The following TCF23 variants were observed in gnomAD, a reference collection of about 807,000 sequenced individuals.
The protein encoded by TCF23 is transcription factor 23, also known as class A basic helix-loop-helix protein 24.
In TCF23, 7 loss-of-function variants were observed where a neutral mutation model predicts 13.0. That is an observed-to-expected ratio of 0.54 (90% confidence interval 0.31 to 1.01). The LOEUF (loss-of-function observed/expected upper bound fraction) is 1.01, where lower values mean the gene tolerates loss of function less well. Among genes scored for constraint, TCF23 ranks in the 50% least tolerant of loss-of-function variants. The pLI is 0.06. For missense variants in TCF23, 257 were observed against 289.8 expected (o/e 0.89, Z 0.82); for synonymous variants, 122 against 119.5 (o/e 1.02, Z -0.14).
intron 1 of TCF23, chr2:27,149,561 C>T: frequency 3.1e-6 from 2 of 646,274 alleles, no homozygotes; most frequent in Non-Finnish European, 5.6e-6. Context: ...GCTCAGAGAG[C>T]TGCACTAACT....
At chr2:27,151,391 GT>G (rs1406694922) in intron 2 of TCF23, among the ~76,000 whole-genome samples, 3 of 152,076 alleles carry the variant, frequency 2.0e-5, no homozygotes, top group Non-Finnish European at 4.4e-5. Flanking sequence ...CTGGAGTGCA[GT>G]GGCGCAATCT....
Position 27,150,409 on chromosome 2 carries a change from C to T in TCF23, c.465+44C>T. The T allele has an allele frequency of 6.3e-7, 1 of 1,599,618 alleles. No homozygotes were observed. Among genetic ancestry groups the T allele is most frequent in the Non-Finnish European group, 8.5e-7 (1 of 1,169,668 alleles). ...GACTTGAGAGGCGGATCTTAATGCCCAGGGCCTTGGAGAAAGGGATTGGAA... is the reference window on the plus strand; with the variant it reads ...GACTTGAGAGGCGGATCTTAATGCCTAGGGCCTTGGAGAAAGGGATTGGAA... On this transcript the variant is annotated intron_variant, in intron 2 of 2. Transcript: ENST00000296096. The surrounding 1 kb of genome is among the most constrained non-coding windows in gnomAD (Gnocchi z 4.1).
In TCF23 at chr2:27,149,011, C is replaced by A. The variant is rs539100269; in HGVS notation, c.-123C>A. 2.0e-6 allele frequency: 2 copies of A among 979,140 alleles called. No homozygotes were observed. The highest frequency in any genetic ancestry group is 3.0e-6 in the Non-Finnish European group (2 of 666,254). The allele number at this position is 979,140 out of a possible 1,614,324, so 60.7% of individuals were successfully genotyped here. On this transcript the variant is annotated 5_prime_UTR_variant, in exon 1 of 3. Transcript: ENST00000296096. ...CAGGGAGCAAACAGGACTGAGTTGGCGCCAGCTTCCTCGGATGTAGATATT... is the reference window on the plus strand; with the variant it reads ...CAGGGAGCAAACAGGACTGAGTTGGAGCCAGCTTCCTCGGATGTAGATATT...
At position 27,153,754 on chromosome 2, in the gene TCF23, CT is replaced by C. The variant is rs541641520; in HGVS notation, c.*891del. On this transcript the variant is annotated 3_prime_UTR_variant, in exon 3 of 3. Transcript: ENST00000296096. The stretch of plus-strand genomic sequence containing the variant: ...GCTTACATTCCAGTTTCCAGAGAAA[CT>C]TTTAGATAGTCCCAGATGCCTAGTT... 3 of 152,156 alleles carry C rather than the reference CT, an allele frequency of 2.0e-5. No individual in the cohort carries two copies. Among genetic ancestry groups the C allele is most frequent in the Non-Finnish European group, 2.9e-5 (2 of 68,054 alleles). The allele number at this position is 152,156 out of a possible 1,614,324, so 9.4% of individuals were successfully genotyped here. A position where few individuals can be genotyped will look rare whatever the true frequency, so the allele number is the denominator to read the frequency against.
rs1170855070 is a variant in TCF23 at position 27,150,214 on chromosome 2, C to T, written c.314C>T (p.Ala105Val). The change falls in exon 2 of 3, where the codon GCC becomes GTC. Residue 105 changes from alanine to valine, a missense_variant. Transcript: ENST00000296096. The surrounding 1 kb of genome is among the most constrained non-coding windows in gnomAD (Gnocchi z 4.1). ...AFLALQAALP[A>V]VPPDTKLSKL... is the part of the protein sequence containing the mutation. ...TTGGCCTTGCAGGCTGCTCTGCCTG[C>T]CGTGCCGCCCGACACCAAGCTCTCC... The T allele has an allele frequency of 6.2e-6, 10 of 1,613,162 alleles. No homozygotes were observed. Among genetic ancestry groups the T allele is most frequent in the Non-Finnish European group, 7.6e-6 (9 of 1,179,874 alleles).
rs755194252 is a variant in TCF23, at chr2:27,149,759, CAG to C, written c.223-363_223-362del. ...TAGGTCAAGGGTCCGCCCTCCCAAA[CAG>C]GGTGTAGCTCTGAACTCCCCCTGGC... On this transcript the variant is annotated intron_variant, in intron 1 of 2. Coordinates refer to ENST00000296096, the MANE Select transcript of TCF23 (RefSeq NM_175769.3). 82 of 612,924 alleles carry C rather than the reference CAG, an allele frequency of 1.3e-4. 2 individuals carry two copies. The highest frequency in any genetic ancestry group is 1.2e-3 in the South Asian group (81 of 65,824). 38.0% of individuals were successfully genotyped at this position (612,924 alleles called of 1,614,324 possible).
chr2:27,149,965 G>A (rs1012114552), intron 1 of TCF23, 158 bp from the exon 2 acceptor site: 29 of 1,255,560 alleles, frequency 2.3e-5, no homozygotes, highest in African/African-American at 8.9e-5. Context: ...GCTGTGAAAC[G>A]CGGCAGGGCT....
In TCF23 at chr2:27,155,332, C is replaced by T. The variant is rs1261941614; in HGVS notation, c.*2465C>T. 6.6e-6 allele frequency: 1 copy of T among 152,350 alleles called. No individual in the cohort carries two copies. Among genetic ancestry groups the T allele is most frequent in the Admixed American group, 6.5e-5 (1 of 15,282 alleles). 9.4% of individuals were successfully genotyped at this position (152,350 alleles called of 1,614,324 possible). A position where few individuals can be genotyped will look rare whatever the true frequency, so the allele number is the denominator to read the frequency against. On this transcript the variant is annotated 3_prime_UTR_variant, in exon 3 of 3. Transcript: ENST00000296096. ...AGGCCTAGGGGATGGATGGGAATAACCAGAGGATGGACTGGGCCCTCCCTC... is the reference window on the plus strand; with the variant it reads ...AGGCCTAGGGGATGGATGGGAATAATCAGAGGATGGACTGGGCCCTCCCTC...
In TCF23 at chr2:27,155,907, C is replaced by G. The variant is rs1360619518; in HGVS notation, c.*3040C>G. On this transcript the variant is annotated 3_prime_UTR_variant, in exon 3 of 3. Coordinates refer to ENST00000296096, the MANE Select transcript of TCF23 (RefSeq NM_175769.3). ...TGGCCTACCTGGTCTTCCTGCACCACCTGCCCCATCCCCAGGACTTGGGAT... is the reference window on the plus strand; with the variant it reads ...TGGCCTACCTGGTCTTCCTGCACCAGCTGCCCCATCCCCAGGACTTGGGAT... 6.6e-6 allele frequency: 1 copy of G among 152,324 alleles called. No individual in the cohort carries two copies. The highest frequency in any genetic ancestry group is 1.5e-5 in the Non-Finnish European group (1 of 68,144). The allele number at this position is 152,324 out of a possible 1,614,324, so 9.4% of individuals were successfully genotyped here. A position where few individuals can be genotyped will look rare whatever the true frequency, so the allele number is the denominator to read the frequency against.
chr2:27,149,900 C>A, intron 1 of TCF23: 1 of 692,816 alleles, frequency 1.4e-6, no homozygotes. Context: ...CTGAGCCAAG[C>A]TCTGCCATCC....
At chr2:27,151,626 A>G (rs1412101964) in intron 2 of TCF23, among the ~76,000 whole-genome samples, 2 of 147,978 alleles carry the variant, frequency 1.4e-5, no homozygotes, top group Non-Finnish European at 3.0e-5. Context: ...GAGCCACCAC[A>G]CCCAACTATT....
chr2:27,153,237 T>G lies in TCF23; in HGVS notation c.*370T>G. On this transcript the variant is annotated 3_prime_UTR_variant, in exon 3 of 3. Transcript: ENST00000296096. ...AAAGGCAGGTGCAGAGGGAGGGGCC[T>G]GGGATGGCACCAGCCCCAGGTGCTG... 5.6e-6 allele frequency: 1 copy of G among 177,724 alleles called. No individual in the cohort carries two copies. The allele number at this position is 177,724 out of a possible 1,614,324, so 11.0% of individuals were successfully genotyped here.
Position 27,152,768 on chromosome 2 carries a change from C to T in TCF23, c.546C>T (p.Ser182=). ...ACTCCACCACAGCCAGCACCCCCAGCCAAAGAACAAGAGATGCAGAGGTGG... is the reference window on the plus strand; with the variant it reads ...ACTCCACCACAGCCAGCACCCCCAGTCAAAGAACAAGAGATGCAGAGGTGG... The part of the protein sequence containing the change: ...DLDSTTASTP[S]QRTRDAEVGS... Residue 182 remains serine, a synonymous_variant, in exon 3 of 3, where the codon AGC becomes AGT. Transcript: ENST00000296096. 6.2e-7 allele frequency: 1 copy of T among 1,614,150 alleles called. No individual in the cohort carries two copies. The highest frequency in any genetic ancestry group is 8.5e-7 in the Non-Finnish European group (1 of 1,180,032).
At position 27,154,820 on chromosome 2, in the gene TCF23, A is replaced by G. The variant is rs1052066802; in HGVS notation, c.*1953A>G. On this transcript the variant is annotated 3_prime_UTR_variant, in exon 3 of 3. Transcript: ENST00000296096. ...TGTACTATTTTTAAAGCCAAACAGCAGTATCTTCCTGGTTGAGTTCACGGG... is the reference window on the plus strand; with the variant it reads ...TGTACTATTTTTAAAGCCAAACAGCGGTATCTTCCTGGTTGAGTTCACGGG... 6.6e-6 allele frequency: 1 copy of G among 152,306 alleles called. No individual in the cohort carries two copies. 9.4% of individuals were successfully genotyped at this position (152,306 alleles called of 1,614,324 possible).
At chr2:27,151,395 C>T (rs113053199) in intron 2 of TCF23, among the ~76,000 whole-genome samples, 32,321 of 151,872 alleles carry the variant, frequency 0.21, 4,120 homozygotes, top group Admixed American at 0.35. Context: ...AGTGCAGTGG[C>T]GCAATCTTGG....
At position 27,149,240 on chromosome 2, in the gene TCF23, G is replaced by C; in HGVS notation, c.107G>C (p.Arg36Pro). The C allele has an allele frequency of 6.4e-7, 1 of 1,574,126 alleles. No homozygotes were observed. Among genetic ancestry groups the C allele is most frequent in the Non-Finnish European group, 8.6e-7 (1 of 1,159,916 alleles). ...CCAGGCGCTGACAGGAAGAGGAGCC[G>C]CCTCAGCAGGACAAGGCAGGACCCG... is the stretch of plus-strand genomic sequence containing the variant. ...LLPGADRKRS[R>P]LSRTRQDPWE... is the part of the protein sequence containing the mutation. The change falls in exon 1 of 3, where the codon CGC becomes CCC. Residue 36 changes from arginine to proline, a missense_variant. Physicochemically the swap from Arg to Pro is moderately radical, Grantham distance 103. Transcript: ENST00000296096.
chr2:27,155,938 T>G lies in TCF23; in HGVS notation c.*3071T>G, dbSNP rs1315869794. 2 of 152,084 alleles carry G rather than the reference T, an allele frequency of 1.3e-5. No homozygotes were observed. Among genetic ancestry groups the G allele is most frequent in the East Asian group, 3.9e-4 (2 of 5,178 alleles). The allele number at this position is 152,084 out of a possible 1,614,324, so 9.4% of individuals were successfully genotyped here. A position where few individuals can be genotyped will look rare whatever the true frequency, so the allele number is the denominator to read the frequency against. ...CCATCCCCAGGACTTGGGATTGGGATGGAGGTGGAGGTGGGGAACAAGACT... is the reference window on the plus strand; with the variant it reads ...CCATCCCCAGGACTTGGGATTGGGAGGGAGGTGGAGGTGGGGAACAAGACT... On this transcript the variant is annotated 3_prime_UTR_variant, in exon 3 of 3. Transcript: ENST00000296096.
At chr2:27,149,833 A>T in intron 1 of TCF23, 1 of 685,728 alleles carries the variant, frequency 1.5e-6, no homozygotes, top group South Asian at 1.5e-5. Context: ...ATGGGACAGG[A>T]CAAAGGCTCT....
rs750969988 is a variant in TCF23 at position 27,149,747 on chromosome 2, C to T, written c.223-376C>T. ...TCAGGACCTGGCTAGGTCAAGGGTC[C>T]GCCCTCCCAAACAGGGTGTAGCTCT... On this transcript the variant is annotated intron_variant, in intron 1 of 2. Transcript: ENST00000296096. The T allele has an allele frequency of 5.7e-5, 34 of 598,844 alleles. 1 individual carries two copies. Among genetic ancestry groups the T allele is most frequent in the South Asian group, 3.3e-4 (22 of 65,682 alleles). The allele number at this position is 598,844 out of a possible 1,614,324, so 37.1% of individuals were successfully genotyped here. A position where few individuals can be genotyped will look rare whatever the true frequency, so the allele number is the denominator to read the frequency against.
Sources: gnomAD v4.1 joint callset for allele counts (sites outside exome capture counted in the v4.1 genomes callset) on GRCh38, gnomAD v4.1.1 for gene constraint, Gnocchi (gnomAD v3.1) non-coding constraint, MANE v1.5 for transcripts, NCBI Gene and HGNC (gene_info 2026-07-23, HGNC 2026-07-21) for gene names.